Variants in SOX5 observed in about 807,000 individuals in gnomAD.
SOX5 encodes the protein SRY-box transcription factor 5.
SOX5 carries 9 observed loss-of-function variants against 92.0 expected under a neutral mutation model. That is an observed-to-expected ratio of 0.10 (90% CI 0.06 to 0.17). SOX5 has a LOEUF of 0.17. Among genes scored for constraint, SOX5 ranks in the 10% least tolerant of loss-of-function variants. SOX5 has a pLI of 1.00. For synonymous variants in SOX5, 344 were observed against 336.3 expected (o/e 1.02, Z -0.25); for missense variants, 642 against 944.5 (o/e 0.68, Z 4.20).
intron 9 of SOX5, among the ~76,000 whole-genome samples, chr12:23,578,404 G>A (rs1949572975): frequency 6.6e-6 from 1 of 151,416 alleles, no homozygotes; most frequent in Non-Finnish European, 1.5e-5. Context: ...TGTTTAACAA[G>A]CCTTCATTCC....
intron 9 of SOX5, among the ~76,000 whole-genome samples, chr12:23,582,476 G>A (rs762356177): frequency 4.6e-5 from 7 of 152,074 alleles, no homozygotes; most frequent in African/African-American, 1.2e-4. Flanking sequence ...TCCTACTCGC[G>A]TAGCCATCCC....
intron 4 of SOX5, among the ~76,000 whole-genome samples, chr12:24,053,898 A>G (rs1395335375): frequency 6.6e-6 from 1 of 152,200 alleles, no homozygotes; most frequent in Non-Finnish European, 1.5e-5. Flanking sequence ...TGCTTTTGTA[A>G]GAATAAGGAA....
intron 4 of SOX5, among the ~76,000 whole-genome samples, chr12:23,965,335 T>C (rs1434495858): frequency 2.0e-5 from 3 of 152,184 alleles, no homozygotes; most frequent in African/African-American, 7.2e-5. Context: ...AAGGCTTACC[T>C]TCCTATCAGC....
chr12:24,204,462 G>A (rs897845480), intron 4 of SOX5, among the ~76,000 whole-genome samples: 4 of 151,954 alleles, frequency 2.6e-5, no homozygotes, highest in African/African-American at 9.7e-5. Context: ...CTGAGTAACT[G>A]GGATTATGGG....
intron 6 of SOX5, among the ~76,000 whole-genome samples, chr12:23,732,996 C>T (rs2093448113): frequency 6.6e-6 from 1 of 152,158 alleles, no homozygotes; most frequent in South Asian, 2.1e-4. Context: ...GTCATTATGA[C>T]AGGGCTTAAA....
intron 4 of SOX5, among the ~76,000 whole-genome samples, chr12:23,979,707 GTTTT>G (rs1177945407): frequency 3.9e-5 from 3 of 77,472 alleles, no homozygotes; most frequent in Non-Finnish European, 4.5e-5. Context: ...TGTTTTTTTT[GTTTT>G]TTTTTTTTTT....
chr12:23,993,083 A>G (rs1569433027), intron 4 of SOX5, among the ~76,000 whole-genome samples: 1 of 152,168 alleles, frequency 6.6e-6, no homozygotes, highest in Non-Finnish European at 1.5e-5. Context: ...CTTGTACCAG[A>G]TAGAAGCAGT....
chr12:24,322,572 T>C (rs1359817846), intron 2 of SOX5, among the ~76,000 whole-genome samples: 1 of 152,156 alleles, frequency 6.6e-6, no homozygotes, highest in Non-Finnish European at 1.5e-5. Context: ...TCTTTCCTCT[T>C]GTAAAAAGTC....
chr12:24,142,452 A>G (rs1168253358), intron 4 of SOX5, among the ~76,000 whole-genome samples: 1 of 152,004 alleles, frequency 6.6e-6, no homozygotes, highest in African/African-American at 2.4e-5. Context: ...TTGTGTATAG[A>G]AACATGGTCT....
intron 4 of SOX5, among the ~76,000 whole-genome samples, chr12:24,211,969 CATA>C (rs1958667575): frequency 6.6e-6 from 1 of 152,126 alleles, no homozygotes; most frequent in South Asian, 2.1e-4. Context: ...TGTTTATTTC[CATA>C]ATATTTGCAA....
At chr12:23,828,808 T>C (rs2096271736) in intron 3 of SOX5, among the ~76,000 whole-genome samples, 2 of 151,086 alleles carry the variant, frequency 1.3e-5, no homozygotes, top group South Asian at 4.2e-4. Context: ...CTCCTAAGCC[T>C]CCAAAGTTGG....
chr12:23,857,566 A>T (rs1402389395), intron 2 of SOX5, among the ~76,000 whole-genome samples: 1 of 152,166 alleles, frequency 6.6e-6, no homozygotes, highest in Non-Finnish European at 1.5e-5. Context: ...TCCAGAGTAC[A>T]TTGCCCTTCC....
At chr12:23,620,139 A>G (rs948771440) in intron 8 of SOX5, among the ~76,000 whole-genome samples, 12 of 152,140 alleles carry the variant, frequency 7.9e-5, no homozygotes, top group African/African-American at 2.9e-4. Context: ...GGATGAGCTG[A>G]TATAATTACA....
intron 2 of SOX5, among the ~76,000 whole-genome samples, chr12:23,871,157 T>G (rs1466332229): frequency 6.6e-6 from 1 of 152,186 alleles, no homozygotes; most frequent in Non-Finnish European, 1.5e-5. Flanking sequence ...AGCTCACATA[T>G]TAAACTAAAA....
intron 4 of SOX5, among the ~76,000 whole-genome samples, chr12:23,956,317 C>CTGT (rs1946274462): frequency 6.6e-6 from 1 of 152,070 alleles, no homozygotes; most frequent in Non-Finnish European, 1.5e-5. Context: ...GATCTCCAAC[C>CTGT]CCCAAGGCCA....
chr12:24,194,343 TATA>T (rs1956801950), intron 4 of SOX5, among the ~76,000 whole-genome samples: 1 of 152,102 alleles, frequency 6.6e-6, no homozygotes, highest in African/African-American at 2.4e-5. Context: ...CCAGCTAACA[TATA>T]ATAAATATGG....
intron 1 of SOX5, among the ~76,000 whole-genome samples, chr12:24,560,941 T>C (rs996011932): frequency 1.3e-5 from 2 of 152,178 alleles, no homozygotes; most frequent in Non-Finnish European, 2.9e-5. Flanking sequence ...GGCCATTATT[T>C]ATGAAAAGCA....
intron 1 of SOX5, among the ~76,000 whole-genome samples, chr12:24,469,708 C>T (rs1944594984): frequency 6.6e-6 from 1 of 152,132 alleles, no homozygotes; most frequent in Non-Finnish European, 1.5e-5. Flanking sequence ...TTGTAAAGCT[C>T]ACTTTGTGGG....
intron 4 of SOX5, among the ~76,000 whole-genome samples, chr12:23,997,035 C>T (rs879423392): frequency 6.6e-6 from 1 of 152,114 alleles, no homozygotes; most frequent in African/African-American, 2.4e-5. Flanking sequence ...AAGCACTCAG[C>T]ATATTTTCTC....
Sources: allele counts gnomAD v4.1 joint callset (sites outside exome capture counted in the v4.1 genomes callset), GRCh38; gene constraint gnomAD v4.1.1; transcripts MANE v1.5; gene names NCBI Gene and HGNC (gene_info 2026-07-23, HGNC 2026-07-21).